Variants in PLXDC2 observed in about 807,000 individuals in gnomAD.
PLXDC2 encodes plexin domain-containing protein 2.
Under a neutral mutation model 68.9 loss-of-function variants are expected in PLXDC2, and 40 were observed. The ratio of observed to expected loss-of-function variants is 0.58; its 90% CI spans 0.45 to 0.76. The LOEUF (loss-of-function observed/expected upper bound fraction) is 0.76, where lower values mean the gene tolerates loss of function less well. Ranked by LOEUF, PLXDC2 falls within the 30% of genes least tolerant of loss-of-function variation. The probability of loss-of-function intolerance (pLI) is 0.00; values close to 1 mark genes in which losing one functional copy is unlikely to be tolerated. For synonymous variants in PLXDC2, 243 were observed against 234.2 expected (o/e 1.04, Z -0.34); for missense variants, 644 against 661.9 (o/e 0.97, Z 0.30).
chr10:20,164,290 C>T (rs1834343706), intron 6 of PLXDC2, among the ~76,000 whole-genome samples, 178 bp from the exon 7 acceptor site: 2 of 152,134 alleles, frequency 1.3e-5, no homozygotes, highest in South Asian at 4.1e-4. Context: ...TTCAATAGCA[C>T]TAAACTGATG....
At chr10:19,908,481 G>A (rs1446381839) in intron 1 of PLXDC2, among the ~76,000 whole-genome samples, 2 of 152,178 alleles carry the variant, frequency 1.3e-5, no homozygotes, top group African/African-American at 4.8e-5. Flanking sequence ...AGGGATGGGG[G>A]TGGAAGTTAG....
chr10:19,895,245 G>T (rs1377592350), intron 1 of PLXDC2, among the ~76,000 whole-genome samples: 2 of 152,086 alleles, frequency 1.3e-5, no homozygotes, highest in African/African-American at 4.8e-5. Flanking sequence ...GGGGCCAGGG[G>T]ACAAACCAGC....
intron 1 of PLXDC2, among the ~76,000 whole-genome samples, chr10:19,940,488 A>G (rs1372884099): frequency 6.6e-6 from 1 of 150,956 alleles, no homozygotes; most frequent in Non-Finnish European, 1.5e-5. Context: ...CCTTCATTGT[A>G]TGTTTTACTT....
intron 4 of PLXDC2, among the ~76,000 whole-genome samples, chr10:20,107,655 A>C (rs943950824): frequency 9.9e-5 from 15 of 152,168 alleles, no homozygotes; most frequent in African/African-American, 3.6e-4. Context: ...TATTATGCAA[A>C]GGTGACTTTC....
At chr10:19,848,334 G>T (rs1375810122) in intron 1 of PLXDC2, among the ~76,000 whole-genome samples, 1 of 152,098 alleles carries the variant, frequency 6.6e-6, no homozygotes, top group Non-Finnish European at 1.5e-5. Flanking sequence ...TGTTTCTGCA[G>T]TTTGGTGGTT....
chr10:20,090,049 G>A (rs1833256145), intron 4 of PLXDC2, among the ~76,000 whole-genome samples: 1 of 152,074 alleles, frequency 6.6e-6, no homozygotes, highest in South Asian at 2.1e-4. Flanking sequence ...AGAGTGTCAA[G>A]GAAGCTGGCT....
At chr10:19,878,603 G>A (rs1357457310) in intron 1 of PLXDC2, among the ~76,000 whole-genome samples, 1 of 152,086 alleles carries the variant, frequency 6.6e-6, no homozygotes. Flanking sequence ...GTGCTCATTG[G>A]CATTTGGATT....
intron 12 of PLXDC2, 143 bp downstream of exon 12, chr10:20,219,245 A>C: frequency 1.2e-6 from 1 of 857,514 alleles, no homozygotes; most frequent in Non-Finnish European, 1.7e-6. Context: ...CATGGGAAGG[A>C]GTCAGTGGGT....
At chr10:20,245,854 C>T (rs1433427879) in intron 13 of PLXDC2, among the ~76,000 whole-genome samples, 2 of 152,122 alleles carry the variant, frequency 1.3e-5, no homozygotes, top group Non-Finnish European at 2.9e-5. Flanking sequence ...ATCTGGGGGG[C>T]TGAAGACTTA....
chr10:20,279,741 A>C lies in PLXDC2; in HGVS notation c.1512A>C (p.Arg504Ser). 6.2e-7 allele frequency: 1 copy of C among 1,614,002 alleles called. No homozygotes were observed. The highest frequency in any genetic ancestry group is 8.5e-7 in the Non-Finnish European group (1 of 1,179,950). Residue 504 changes from arginine (R) to serine (S), a missense_variant, in exon 14 of 14, where the codon AGA becomes AGC. Around this residue, in one of 3 missense-constraint regions of PLXDC2, gnomAD observed 330 missense variants for 327.9 expected, o/e 1.01. Coordinates refer to ENST00000377252, the MANE Select transcript of PLXDC2 (RefSeq NM_032812.9). The stretch of plus-strand genomic sequence containing the variant: ...GATGGCCTGCGATGAAGTTTAGAAG[A>C]GGCTCTGGACATCCTGCCTATGCTG... Reference protein sequence around the residue: ...PSRWPAMKFRRGSGHPAYAEV... With the variant: ...PSRWPAMKFRSGSGHPAYAEV...
chr10:20,078,515 G>T (rs751547698), intron 4 of PLXDC2, among the ~76,000 whole-genome samples: 83 of 152,200 alleles, frequency 5.5e-4, no homozygotes, highest in Non-Finnish European at 1.0e-3. Flanking sequence ...ATAAGATTAT[G>T]TGTTAGCAGG....
intron 1 of PLXDC2, among the ~76,000 whole-genome samples, chr10:19,857,456 T>G (rs1837236131): frequency 6.6e-6 from 1 of 152,232 alleles, no homozygotes; most frequent in South Asian, 2.1e-4. Context: ...TCATTTATAT[T>G]TGTGTACTTT....
At chr10:20,006,645 A>G (rs1589581984) in intron 2 of PLXDC2, among the ~76,000 whole-genome samples, 1 of 152,238 alleles carries the variant, frequency 6.6e-6, no homozygotes, top group South Asian at 2.1e-4. Flanking sequence ...GTTTTGACAC[A>G]AAGGCTGTTA....
intron 1 of PLXDC2, among the ~76,000 whole-genome samples, chr10:19,926,539 G>T (rs1454882941): frequency 1.3e-5 from 2 of 152,018 alleles, no homozygotes; most frequent in African/African-American, 4.8e-5. Flanking sequence ...TATCGGAAAG[G>T]GCTGATTGAA....
At chr10:20,136,929 C>G (rs957006522) in intron 4 of PLXDC2, among the ~76,000 whole-genome samples, 1 of 152,234 alleles carries the variant, frequency 6.6e-6, no homozygotes, top group Non-Finnish European at 1.5e-5. Context: ...TTAAACAAAA[C>G]AACCACTTGC....
At chr10:20,137,532 G>A (rs1833949599) in intron 4 of PLXDC2, among the ~76,000 whole-genome samples, 1 of 152,170 alleles carries the variant, frequency 6.6e-6, no homozygotes, top group Admixed American at 6.5e-5. Context: ...CAGAGGCTTT[G>A]GTATTACACT....
At chr10:19,887,927 G>C (rs920257528) in intron 1 of PLXDC2, among the ~76,000 whole-genome samples, 1 of 152,208 alleles carries the variant, frequency 6.6e-6, no homozygotes, top group Non-Finnish European at 1.5e-5. Context: ...CCAACCAAAA[G>C]AAGGAAGAAA....
intron 5 of PLXDC2, among the ~76,000 whole-genome samples, chr10:20,145,207 A>G (rs1184911446): frequency 6.6e-6 from 1 of 152,212 alleles, no homozygotes; most frequent in Non-Finnish European, 1.5e-5. Context: ...CCACTGAAAT[A>G]TCTTCTGTGT....
Position 19,844,644 on chromosome 10 carries a change from G to A in PLXDC2, c.112+27453G>A, listed in dbSNP as rs551262642. Among the ~76,000 whole-genome samples the A allele has an allele frequency of 1.6e-4, 24 of 151,184 alleles. No individual in the cohort carries two copies. In the East Asian group the frequency reaches 4.5e-3, roughly 28 times the overall value. The stretch of plus-strand genomic sequence containing the variant: ...GAGGTAGGGCTCTGTCGTCTGGGCT[G>A]GAGTGCAGTGGTGTGACCATGTCTC... On this transcript the variant is annotated intron_variant, in intron 1 of 13. Coordinates refer to ENST00000377252, the MANE Select transcript of PLXDC2 (RefSeq NM_032812.9).
Sources: gnomAD v4.1 joint callset for allele counts (sites outside exome capture counted in the v4.1 genomes callset) on GRCh38, gnomAD v4.1.1 for gene constraint, gnomAD v4.1.1 regional missense constraint, MANE v1.5 for transcripts, NCBI Gene and HGNC (gene_info 2026-07-23, HGNC 2026-07-21) for gene names.